The following RPS6KA2 variants were observed in gnomAD, a reference collection of about 807,000 sequenced individuals.
RPS6KA2 encodes ribosomal protein S6 kinase A2.
RPS6KA2 carries 42 observed loss-of-function variants against 91.8 expected under a neutral mutation model. That is an observed-to-expected ratio of 0.46 (90% CI 0.36 to 0.59). RPS6KA2 has a LOEUF of 0.59. Among genes scored for constraint, RPS6KA2 ranks in the 20% least tolerant of loss-of-function variants. The probability of loss-of-function intolerance (pLI) is 0.00; values close to 1 mark genes in which losing one functional copy is unlikely to be tolerated. For missense variants in RPS6KA2, 798 were observed against 978.5 expected, an observed-to-expected ratio of 0.82 and a Z score of 2.46; for synonymous variants, 414 against 393.6, an observed-to-expected ratio of 1.05 and a Z score of -0.61.
chr6:166,688,814 T>TG (rs910357147), intron 2 of RPS6KA2, among the ~76,000 whole-genome samples: 1 of 152,218 alleles, frequency 6.6e-6, no homozygotes, highest in Non-Finnish European at 1.5e-5. Flanking sequence ...TGAACCCATG[T>TG]GGGGCCATCT....
intron 2 of RPS6KA2, among the ~76,000 whole-genome samples, chr6:166,679,606 C>T (rs1429334552): frequency 6.6e-6 from 1 of 152,208 alleles, no homozygotes; most frequent in Non-Finnish European, 1.5e-5. Context: ...TGCTAGCAGC[C>T]CTGGCTCGCT....
chr6:166,516,044 C>G (rs1227493601), intron 3 of RPS6KA2, among the ~76,000 whole-genome samples: 1 of 152,208 alleles, frequency 6.6e-6, no homozygotes, highest in Non-Finnish European at 1.5e-5. Flanking sequence ...TCTTATGTCT[C>G]CCTAGAATGT....
chr6:166,450,086 C>T (rs1305495046), intron 13 of RPS6KA2, among the ~76,000 whole-genome samples: 1 of 119,014 alleles, frequency 8.4e-6, no homozygotes, highest in Non-Finnish European at 1.9e-5. Flanking sequence ...ATGGGTACCA[C>T]CGGGGAACCA....
At chr6:166,477,303 C>A (rs981822647) in intron 10 of RPS6KA2, among the ~76,000 whole-genome samples, 1 of 152,118 alleles carries the variant, frequency 6.6e-6, no homozygotes, top group South Asian at 2.1e-4. Flanking sequence ...CCGAGGTGAG[C>A]CATTCTCCAT....
At chr6:166,774,860 T>TTTTTTTTTTTTTTTTGAGAC (rs1778571599) in intron 2 of RPS6KA2, among the ~76,000 whole-genome samples, 3 of 151,904 alleles carry the variant, frequency 2.0e-5, no homozygotes, top group African/African-American at 7.3e-5. Context: ...GTGTGCTTCT[T>TTTTTTTTTTTTTTTTGAGAC]GTCTGTGACC....
chr6:166,459,198 G>A lies in RPS6KA2; in HGVS notation c.1075+251C>T, dbSNP rs543440986. ...CTCTGACACAGGAAGTAACTGGACC[G>A]GTGTCTTGGAATAAGGATACCTTCA... On this transcript the variant is annotated intron_variant, in intron 12 of 20. Transcript: ENST00000265678. This position sits in a 1 kb window ranked among gnomAD's most constrained non-coding sequence, Gnocchi z 4.9. Among the ~76,000 whole-genome samples, 6 of 152,246 alleles carry A rather than the reference G, an allele frequency of 3.9e-5. No homozygotes were observed. Among genetic ancestry groups the A allele is most frequent in the South Asian group, 2.1e-4 (1 of 4,822 alleles).
At chr6:166,613,362 T>C (rs1786260442) in intron 1 of RPS6KA2, among the ~76,000 whole-genome samples, 1 of 152,202 alleles carries the variant, frequency 6.6e-6, no homozygotes, top group Non-Finnish European at 1.5e-5. Flanking sequence ...ACGAGAAACA[T>C]GGAGTTTTTT....
rs192550453 is a variant in RPS6KA2 at position 166,829,999 on chromosome 6, G to A, written c.123+28201C>T. 6.6e-5 allele frequency among the ~76,000 whole-genome samples: 10 copies of A among 151,724 alleles called. No individual in the cohort carries two copies. In the East Asian group the frequency reaches 1.4e-3, roughly 21 times the overall value. Reference sequence around the variant, plus strand: ...AAACTATCTGGGCGTAGTGGTGGGCGCCTGTAATCCCAGCTACTCCAGAGG... The same window carrying A: ...AAACTATCTGGGCGTAGTGGTGGGCACCTGTAATCCCAGCTACTCCAGAGG... On this transcript the variant is annotated intron_variant, in intron 2 of 21. Transcript: ENST00000503859.
chr6:166,499,187 A>C (rs1047987022), intron 7 of RPS6KA2, among the ~76,000 whole-genome samples: 6 of 152,284 alleles, frequency 3.9e-5, no homozygotes, highest in Admixed American at 2.6e-4. Context: ...AAGAACAGGG[A>C]TCTCCAGGTG....
intron 1 of RPS6KA2, among the ~76,000 whole-genome samples, chr6:166,572,406 T>C (rs1382073875): frequency 2.0e-5 from 3 of 152,248 alleles, no homozygotes; most frequent in Non-Finnish European, 4.4e-5. Flanking sequence ...GATATTGGTT[T>C]AGGAAGGTGG....
chr6:166,422,975 T>C (rs1443950285), intron 17 of RPS6KA2, among the ~76,000 whole-genome samples: 2 of 152,208 alleles, frequency 1.3e-5, no homozygotes, highest in Non-Finnish European at 2.9e-5. Flanking sequence ...AATATGCAGA[T>C]TTCATCCAAA....
intron 2 of RPS6KA2, among the ~76,000 whole-genome samples, chr6:166,769,582 C>T (rs1477151532): frequency 2.6e-5 from 4 of 152,218 alleles, no homozygotes; most frequent in African/African-American, 9.6e-5. Flanking sequence ...ATCAACCATA[C>T]AGTTCAAAAC....
intron 1 of RPS6KA2, among the ~76,000 whole-genome samples, chr6:166,611,415 G>A (rs557578827): frequency 1.2e-4 from 18 of 152,280 alleles, no homozygotes; most frequent in Non-Finnish European, 2.2e-4. Context: ...ACCATCATCC[G>A]ACATGACCTA....
intron 16 of RPS6KA2, among the ~76,000 whole-genome samples, chr6:166,424,275 A>G (rs1486259447): frequency 6.6e-6 from 1 of 152,162 alleles, no homozygotes; most frequent in East Asian, 1.9e-4. Flanking sequence ...TGCAGAAAAC[A>G]TCATCCAAAG....
At chr6:166,473,593 T>C (rs890819677) in intron 10 of RPS6KA2, among the ~76,000 whole-genome samples, 4 of 152,246 alleles carry the variant, frequency 2.6e-5, no homozygotes, top group Admixed American at 2.0e-4. Context: ...TCTCAGCAGG[T>C]GATTCCCAAA....
intron 14 of RPS6KA2, among the ~76,000 whole-genome samples, chr6:166,444,600 G>A (rs998022656): frequency 1.3e-5 from 2 of 152,240 alleles, no homozygotes; most frequent in Non-Finnish European, 2.9e-5. Flanking sequence ...AGAATGCGCT[G>A]CATCAAGTCC....
At chr6:166,659,930 T>A (rs1291592082) in intron 2 of RPS6KA2, among the ~76,000 whole-genome samples, 2 of 141,782 alleles carry the variant, frequency 1.4e-5, no homozygotes, top group African/African-American at 5.3e-5. Flanking sequence ...TTTTTTGTAT[T>A]TTTTTTTTTT....
chr6:166,769,973 G>A (rs186367750), intron 2 of RPS6KA2, among the ~76,000 whole-genome samples: 4 of 152,328 alleles, frequency 2.6e-5, no homozygotes, highest in African/African-American at 9.6e-5. Context: ...AAAGCTGCCA[G>A]AAAATCAGGA....
At chr6:166,788,424 A>G (rs1583119465) in intron 2 of RPS6KA2, among the ~76,000 whole-genome samples, 1 of 152,214 alleles carries the variant, frequency 6.6e-6, no homozygotes, top group African/African-American at 2.4e-5. Context: ...TAGCAAAGAC[A>G]TGGAACCAAC....
Sources: allele counts gnomAD v4.1 joint callset (sites outside exome capture counted in the v4.1 genomes callset), GRCh38; gene constraint gnomAD v4.1.1; non-coding constraint Gnocchi (gnomAD v3.1); transcripts MANE v1.5; gene names NCBI Gene and HGNC (gene_info 2026-07-23, HGNC 2026-07-21).